The following TTC29 variants were observed in gnomAD, a reference collection of about 807,000 sequenced individuals.
TTC29 encodes the protein tetratricopeptide repeat protein 29.
Under a neutral mutation model 58.1 loss-of-function variants are expected in TTC29, and 49 were observed. The ratio of observed to expected loss-of-function variants is 0.84; its 90% CI spans 0.67 to 1.07. TTC29 has a LOEUF of 1.07. TTC29 is among the 50% of genes least tolerant of loss of function. TTC29 has a pLI of 0.00. For synonymous variants in TTC29, 209 were observed against 196.8 expected, an observed-to-expected ratio of 1.06 and a Z score of -0.52; for missense variants, 582 against 555.6, an observed-to-expected ratio of 1.05 and a Z score of -0.48.
chr4:146,923,391 T>C (rs1373172321), intron 4 of TTC29, among the ~76,000 whole-genome samples: 1 of 151,536 alleles, frequency 6.6e-6, no homozygotes, highest in Non-Finnish European at 1.5e-5. Context: ...AGAGTTTATC[T>C]CAGAATTGGA....
chr4:146,762,374 C>CA (rs1261149677), intron 11 of TTC29, among the ~76,000 whole-genome samples: 3 of 144,196 alleles, frequency 2.1e-5, no homozygotes, highest in African/African-American at 7.7e-5. Flanking sequence ...CTGTGAGTCT[C>CA]AATGTCTCTT....
At chr4:146,816,327 A>G (rs1323810989) in intron 10 of TTC29, among the ~76,000 whole-genome samples, 1 of 152,192 alleles carries the variant, frequency 6.6e-6, no homozygotes, top group Non-Finnish European at 1.5e-5. Flanking sequence ...ACAAGGGTTT[A>G]GGTCTTGTCT....
At chr4:146,772,407 T>C (rs967958091) in intron 11 of TTC29, among the ~76,000 whole-genome samples, 27 of 151,952 alleles carry the variant, frequency 1.8e-4, no homozygotes, top group African/African-American at 6.3e-4. Flanking sequence ...TGATTTTTTG[T>C]ATATGATGTA....
At chr4:146,734,769 T>G (rs1268542343) in intron 11 of TTC29, among the ~76,000 whole-genome samples, 1 of 151,770 alleles carries the variant, frequency 6.6e-6, no homozygotes, top group African/African-American at 2.4e-5. Context: ...TTTGAGAGAG[T>G]TTTTCCTGAA....
At chr4:146,839,232 A>G (rs115232333) in intron 8 of TTC29, among the ~76,000 whole-genome samples, 9,884 of 152,076 alleles carry the variant, frequency 0.065, 422 homozygotes, top group Admixed American at 0.13. Flanking sequence ...ATAAGCGCTA[A>G]TATTTGATAG....
chr4:146,922,994 T>C (rs1560722332), intron 4 of TTC29, among the ~76,000 whole-genome samples: 2 of 151,886 alleles, frequency 1.3e-5, no homozygotes, highest in Non-Finnish European at 2.9e-5. Context: ...TATTCTGTTT[T>C]ACATGGGAGT....
intron 11 of TTC29, among the ~76,000 whole-genome samples, chr4:146,775,638 G>A (rs1403936634): frequency 6.6e-6 from 1 of 151,752 alleles, no homozygotes; most frequent in Non-Finnish European, 1.5e-5. Context: ...GCCCAATGGG[G>A]TTCTCTTTGT....
chr4:146,877,079 A>G (rs768722750), intron 6 of TTC29, among the ~76,000 whole-genome samples: 2 of 152,084 alleles, frequency 1.3e-5, no homozygotes, highest in Non-Finnish European at 2.9e-5. Context: ...ATATTATGAA[A>G]CTTCACATGA....
intron 11 of TTC29, among the ~76,000 whole-genome samples, chr4:146,770,690 C>A (rs941192746): frequency 1.3e-5 from 2 of 151,938 alleles, no homozygotes; most frequent in African/African-American, 4.8e-5. Flanking sequence ...TCAAACAAAC[C>A]TGGGTTCAGA....
In TTC29 at chr4:146,909,032, T is replaced by G. The variant is rs774381943; in HGVS notation, c.394A>C (p.Arg132=). ...HYLTRAEDAE[R]KESFEDVHNN... ...CCACAGTCCCACCACTTACCTTTCC[T>G]CTCAGCGTCCTCAGCCCTGGTCAGG... The change falls in exon 5 of 13, where the codon AGG becomes CGG. Residue 132 remains arginine (R), a synonymous_variant. Transcript: ENST00000325106. The G allele has an allele frequency of 3.7e-6, 6 of 1,613,582 alleles. No individual in the cohort carries two copies. The highest frequency in any genetic ancestry group is 5.1e-6 in the Non-Finnish European group (6 of 1,179,690).
intron 2 of TTC29, among the ~76,000 whole-genome samples, chr4:146,943,564 A>G (rs1040186254): frequency 5.3e-5 from 8 of 152,200 alleles, no homozygotes; most frequent in Non-Finnish European, 8.8e-5. Flanking sequence ...ACCTATGCCC[A>G]TCGGGAAAGT....
chr4:146,755,685 T>C (rs1046274747), intron 11 of TTC29, among the ~76,000 whole-genome samples: 1 of 150,746 alleles, frequency 6.6e-6, no homozygotes, highest in Non-Finnish European at 1.5e-5. Flanking sequence ...TGATAGTAAC[T>C]TTTTTTAACT....
At chr4:146,749,475 G>A (rs986976213) in intron 11 of TTC29, among the ~76,000 whole-genome samples, 8 of 152,000 alleles carry the variant, frequency 5.3e-5, no homozygotes, top group Middle Eastern at 3.4e-3. Context: ...CTCCATCAGA[G>A]GAAAAGAAAA....
intron 11 of TTC29, among the ~76,000 whole-genome samples, chr4:146,798,745 G>A (rs1161019583): frequency 1.3e-5 from 2 of 151,748 alleles, no homozygotes; most frequent in African/African-American, 4.8e-5. Context: ...AAATTAGCCA[G>A]GTATTGGGGC....
intron 4 of TTC29, among the ~76,000 whole-genome samples, chr4:146,937,222 G>A (rs1323098723): frequency 6.6e-6 from 1 of 151,990 alleles, no homozygotes; most frequent in African/African-American, 2.4e-5. Context: ...TTAGTAAGGT[G>A]TTTCTTTTTC....
At chr4:146,754,598 A>T (rs1327826017) in intron 11 of TTC29, among the ~76,000 whole-genome samples, 2 of 152,208 alleles carry the variant, frequency 1.3e-5, no homozygotes, top group Admixed American at 6.5e-5. Flanking sequence ...TATCCCTGGC[A>T]TATAAGGCTG....
chr4:146,848,877 C>T (rs1254286012), intron 8 of TTC29, among the ~76,000 whole-genome samples: 2 of 152,194 alleles, frequency 1.3e-5, no homozygotes, highest in Non-Finnish European at 2.9e-5. Flanking sequence ...TGCTATGGAT[C>T]ATATAATGTT....
chr4:146,716,857 T>C (rs1579510836), intron 11 of TTC29, among the ~76,000 whole-genome samples: 2 of 152,314 alleles, frequency 1.3e-5, no homozygotes, highest in Non-Finnish European at 2.9e-5. Context: ...AACTGGTCTA[T>C]TTAAAACAAT....
chr4:146,898,115 A>T (rs1275597654), intron 6 of TTC29, among the ~76,000 whole-genome samples: 2 of 152,384 alleles, frequency 1.3e-5, no homozygotes, highest in East Asian at 3.9e-4. Flanking sequence ...TAGTGTCATG[A>T]TCACTAAAGA....
Sources: gnomAD v4.1 joint callset for allele counts (sites outside exome capture counted in the v4.1 genomes callset) on GRCh38, gnomAD v4.1.1 for gene constraint, MANE v1.5 for transcripts, NCBI Gene and HGNC (gene_info 2026-07-23, HGNC 2026-07-21) for gene names.